Variants in LMO7 observed in about 807,000 individuals in gnomAD.
The protein encoded by LMO7 is LIM domain only protein 7.
Under a neutral mutation model 206.5 loss-of-function variants are expected in LMO7, and 120 were observed. The observed-to-expected ratio is 0.58, with a 90% CI of 0.50 to 0.68. LMO7 has a LOEUF of 0.68. Among genes scored for constraint, LMO7 ranks in the 30% least tolerant of loss-of-function variants. LMO7 has a pLI of 0.00. For missense variants in LMO7, 1,959 were observed against 1,957.9 expected (o/e 1.00, Z -0.01); for synonymous variants, 706 against 681.5 (o/e 1.04, Z -0.56).
intron 3 of LMO7, among the ~76,000 whole-genome samples, chr13:75,727,434 A>G (rs2044585064): frequency 6.6e-6 from 1 of 152,056 alleles, no homozygotes; most frequent in Non-Finnish European, 1.5e-5. Flanking sequence ...ATGCATGTAT[A>G]TAGTAGAAAA....
At chr13:75,716,010 C>T (rs946932716) in intron 2 of LMO7, among the ~76,000 whole-genome samples, 5 of 152,178 alleles carry the variant, frequency 3.3e-5, no homozygotes, top group Admixed American at 6.5e-5. Flanking sequence ...AATTCATTTT[C>T]GTACAGGAAA....
intron 3 of LMO7, among the ~76,000 whole-genome samples, chr13:75,728,172 C>T (rs192260006): frequency 7.2e-5 from 11 of 152,054 alleles, no homozygotes; most frequent in African/African-American, 1.9e-4. Context: ...TGGTATTTCT[C>T]GTTCTAGATC....
At chr13:75,637,855 A>G (rs146207344) in intron 1 of LMO7, among the ~76,000 whole-genome samples, 259 of 152,350 alleles carry the variant, frequency 1.7e-3, no homozygotes, top group African/African-American at 6.0e-3. Flanking sequence ...AGGGAGGTCT[A>G]AGGAATGAGC....
chr13:75,847,961 C>CTATTTATTTATT (rs78574463), intron 26 of LMO7, among the ~76,000 whole-genome samples: 83 of 151,894 alleles, frequency 5.5e-4, no homozygotes, highest in Non-Finnish European at 9.7e-4. Flanking sequence ...TATCCAGTCA[C>CTATTTATTTATT]TATTTATTTA....
chr13:75,636,518 C>A lies in LMO7; in HGVS notation c.-140C>A. 3.3e-6 allele frequency: 5 copies of A among 1,512,344 alleles called. No homozygotes were observed. Among genetic ancestry groups the A allele is most frequent in the Non-Finnish European group, 4.4e-6 (5 of 1,138,208 alleles). 93.7% of individuals were successfully genotyped at this position (1,512,344 alleles called of 1,614,324 possible). ...AGAGCGCAACAAAGGGAACTAGAGC[C>A]CCGGCGCCTTCGCAGCCGGAGCGGA... On this transcript the variant is annotated 5_prime_UTR_variant, in exon 1 of 31. Coordinates refer to ENST00000377534, the MANE Select transcript of LMO7 (RefSeq NM_001306080.2).
At chr13:75,771,956 A>T (rs549318193) in intron 4 of LMO7, among the ~76,000 whole-genome samples, 1 of 152,038 alleles carries the variant, frequency 6.6e-6, no homozygotes, top group Non-Finnish European at 1.5e-5. Flanking sequence ...GGTGATAAGC[A>T]TAGCACATCA....
chr13:75,628,237 G>A (rs1382759909), intron 2 of LMO7: 1 of 152,218 alleles, frequency 6.6e-6, no homozygotes, highest in Non-Finnish European at 1.5e-5. Flanking sequence ...TCCTAAAGCT[G>A]CACTGGAAAC....
chr13:75,827,773 A>G (rs1244538921), intron 15 of LMO7, among the ~76,000 whole-genome samples: 1 of 151,902 alleles, frequency 6.6e-6, no homozygotes, highest in African/African-American at 2.4e-5. Context: ...CTACAAATCC[A>G]CTTTCCAGAA....
At chr13:75,830,473 G>A (rs1178830214) in intron 15 of LMO7, among the ~76,000 whole-genome samples, 1 of 152,174 alleles carries the variant, frequency 6.6e-6, no homozygotes, top group Non-Finnish European at 1.5e-5. Context: ...CAGGCCCAGT[G>A]ACATGCCTGT....
At chr13:75,844,905 C>G (rs990906187) in intron 25 of LMO7, among the ~76,000 whole-genome samples, 1 of 152,126 alleles carries the variant, frequency 6.6e-6, no homozygotes, top group African/African-American at 2.4e-5. Context: ...CAGTGGCACT[C>G]TAATGCCCAA....
chr13:75,781,760 C>G (rs535170061), intron 4 of LMO7, among the ~76,000 whole-genome samples: 1 of 152,146 alleles, frequency 6.6e-6, no homozygotes, highest in East Asian at 1.9e-4. Flanking sequence ...TAAAAGTGTT[C>G]CTATTTCTCC....
chr13:75,737,790 A>AAAAAAC (rs1566372343), intron 3 of LMO7, among the ~76,000 whole-genome samples: 4 of 129,442 alleles, frequency 3.1e-5, no homozygotes, highest in African/African-American at 1.3e-4. Context: ...AATAAAAAAA[A>AAAAAAC]AAAAAAAAAA....
intron 4 of LMO7, among the ~76,000 whole-genome samples, chr13:75,773,496 G>A (rs750613371): frequency 1.2e-4 from 18 of 152,142 alleles, no homozygotes; most frequent in Non-Finnish European, 1.6e-4. Flanking sequence ...AGGTAATTAC[G>A]GCAGTCAATG....
chr13:75,722,935 T>G (rs1271632931), intron 2 of LMO7, among the ~76,000 whole-genome samples: 1 of 152,148 alleles, frequency 6.6e-6, no homozygotes, highest in Admixed American at 6.6e-5. Context: ...CCAAATATTA[T>G]ATGTTCTCAC....
At chr13:75,829,697 CCT>C (rs2058469447) in intron 15 of LMO7, among the ~76,000 whole-genome samples, 1 of 87,816 alleles carries the variant, frequency 1.1e-5, no homozygotes, top group Non-Finnish European at 2.7e-5. Flanking sequence ...TAATATTGGC[CCT>C]GTTTTTTTTT....
At position 75,660,515 on chromosome 13, in the gene LMO7, G is replaced by A. The variant is rs11842861; in HGVS notation, c.69+23789G>A. ...TTCTTGTTTCTTGGTTTTCACACTT[G>A]CATTTTCCAACTTCTTGATTGGCTG... On this transcript the variant is annotated intron_variant, in intron 1 of 30. Transcript: ENST00000377534. Among the ~76,000 whole-genome samples, 1,520 of 152,184 alleles carry A rather than the reference G, an allele frequency of 1.0e-2. 33 individuals are homozygous for A. Among genetic ancestry groups the A allele is most frequent in the African/African-American group, 0.034 (1,408 of 41,502 alleles).
chr13:75,723,013 G>C (rs770886585), intron 2 of LMO7, among the ~76,000 whole-genome samples: 2 of 152,026 alleles, frequency 1.3e-5, no homozygotes, highest in East Asian at 3.9e-4. Flanking sequence ...TTGGGGACTC[G>C]GGGGAAAGAG....
chr13:75,747,465 G>A (rs1275385541), intron 3 of LMO7, among the ~76,000 whole-genome samples: 1 of 152,170 alleles, frequency 6.6e-6, no homozygotes, highest in Non-Finnish European at 1.5e-5. Flanking sequence ...GAGAAGTTAG[G>A]TGAATTCTAT....
intron 11 of LMO7, among the ~76,000 whole-genome samples, chr13:75,816,620 G>A (rs73227984): frequency 0.016 from 2,391 of 152,170 alleles, 27 homozygotes; most frequent in African/African-American, 0.019. Context: ...CCTGTGGTGC[G>A]TTGAGAACAA....
Sources: gnomAD v4.1 joint callset for allele counts (sites outside exome capture counted in the v4.1 genomes callset) on GRCh38, gnomAD v4.1.1 for gene constraint, MANE v1.5 for transcripts, NCBI Gene and HGNC (gene_info 2026-07-23, HGNC 2026-07-21) for gene names.